Variants in KCNAB1 observed in about 807,000 individuals in gnomAD.
KCNAB1 encodes voltage-gated potassium channel subunit beta-1.
KCNAB1 carries 35 observed loss-of-function variants against 64.6 expected under a neutral mutation model. The observed-to-expected ratio is 0.54, with a 90% CI of 0.41 to 0.72. The LOEUF (loss-of-function observed/expected upper bound fraction) is 0.72, where lower values mean the gene tolerates loss of function less well. KCNAB1 is among the 30% of genes least tolerant of loss of function. The pLI, the probability that KCNAB1 is intolerant of heterozygous loss-of-function variation, is 0.00. For synonymous variants in KCNAB1, 177 were observed against 183.8 expected (o/e 0.96, Z 0.30); for missense variants, 401 against 512.9 (o/e 0.78, Z 2.11).
At chr3:156,361,735 T>C (rs554191195) in intron 1 of KCNAB1, among the ~76,000 whole-genome samples, 3 of 152,296 alleles carry the variant, frequency 2.0e-5, no homozygotes, top group Non-Finnish European at 4.4e-5. Flanking sequence ...TATAGCTCAT[T>C]GGAGCCTTGA....
At position 156,174,525 on chromosome 3, in the gene KCNAB1, C is replaced by T. The variant is rs368647942; in HGVS notation, c.275+53639C>T. On this transcript the variant is annotated intron_variant, in intron 1 of 13. Coordinates refer to ENST00000490337, the MANE Select transcript of KCNAB1 (RefSeq NM_172160.3). ...GCAGAGAATGCCATGCTTCTTTACTCATTAAGGAATGGGTGAGCCCTTCCC... is the reference window on the plus strand; with the variant it reads ...GCAGAGAATGCCATGCTTCTTTACTTATTAAGGAATGGGTGAGCCCTTCCC... 6.4e-4 allele frequency among the ~76,000 whole-genome samples: 97 copies of T among 152,304 alleles called. 1 individual carries two copies. The highest frequency in any genetic ancestry group is 3.4e-3 in the Middle Eastern group (1 of 294).
intron 2 of KCNAB1, among the ~76,000 whole-genome samples, chr3:156,449,940 T>C (rs1052178176): frequency 2.0e-5 from 3 of 152,208 alleles, no homozygotes; most frequent in African/African-American, 7.2e-5. Context: ...TAAGCAGAGA[T>C]AGGGCTATCC....
chr3:156,401,196 C>G (rs1713864666), intron 1 of KCNAB1, among the ~76,000 whole-genome samples: 1 of 152,316 alleles, frequency 6.6e-6, no homozygotes, highest in African/African-American at 2.4e-5. Flanking sequence ...TAAACAGCCT[C>G]AAACTGAAGT....
At chr3:156,312,204 G>A (rs546417381) in intron 1 of KCNAB1, among the ~76,000 whole-genome samples, 2 of 152,290 alleles carry the variant, frequency 1.3e-5, no homozygotes, top group African/African-American at 2.4e-5. Flanking sequence ...GAGTAAAATA[G>A]GCGACAGGTA....
chr3:156,299,395 C>G (rs1184959911), intron 1 of KCNAB1, among the ~76,000 whole-genome samples: 1 of 152,260 alleles, frequency 6.6e-6, no homozygotes, highest in Non-Finnish European at 1.5e-5. Context: ...AGGCTCTTCA[C>G]TGGTACATGT....
At chr3:156,367,901 GA>G (rs1726049459) in intron 1 of KCNAB1, among the ~76,000 whole-genome samples, 1 of 152,112 alleles carries the variant, frequency 6.6e-6, no homozygotes, top group Non-Finnish European at 1.5e-5. Flanking sequence ...TTCCCTACAG[GA>G]TCTCCTTCCC....
At chr3:156,298,823 C>A (rs1417801480) in intron 1 of KCNAB1, among the ~76,000 whole-genome samples, 1 of 152,150 alleles carries the variant, frequency 6.6e-6, no homozygotes, top group Admixed American at 6.5e-5. Context: ...TTCGATATTG[C>A]AAGTTAATCA....
At chr3:156,465,726 C>T (rs564143483) in intron 7 of KCNAB1, 40 bp downstream of exon 7, 2 of 1,536,040 alleles carry the variant, frequency 1.3e-6, no homozygotes, top group African/African-American at 1.4e-5. Context: ...GGTTGTGGGC[C>T]CCTCATTCAA....
intron 1 of KCNAB1, among the ~76,000 whole-genome samples, chr3:156,418,762 A>T (rs1237588096): frequency 1.3e-5 from 2 of 152,206 alleles, no homozygotes; most frequent in Non-Finnish European, 2.9e-5. Flanking sequence ...TCATGCAGAG[A>T]AAATGCCTCT....
At chr3:156,118,649 G>T (rs1337716800), upstream of KCNAB1, among the ~76,000 whole-genome samples, 1 of 152,212 alleles carries the variant, frequency 6.6e-6, no homozygotes, top group Non-Finnish European at 1.5e-5. Flanking sequence ...ATGGAGTTAG[G>T]ATTTGAACCC....
chr3:156,425,986 A>C (rs1323882916), intron 2 of KCNAB1, among the ~76,000 whole-genome samples: 1 of 151,800 alleles, frequency 6.6e-6, no homozygotes, highest in Non-Finnish European at 1.5e-5. Context: ...CCAGAGGGAG[A>C]CTCCACCGAG....
chr3:156,280,072 GT>G (rs1454004856), intron 1 of KCNAB1, among the ~76,000 whole-genome samples: 113 of 147,080 alleles, frequency 7.7e-4, no homozygotes, highest in African/African-American at 2.8e-3. Flanking sequence ...TAATGCCTAG[GT>G]TTTCTTCTAG....
At chr3:156,426,704 T>G (rs528600750) in intron 2 of KCNAB1, among the ~76,000 whole-genome samples, 39 of 152,252 alleles carry the variant, frequency 2.6e-4, no homozygotes, top group Non-Finnish European at 5.4e-4. Context: ...TTTTCCAGAA[T>G]GTCATATAGT....
intron 1 of KCNAB1, among the ~76,000 whole-genome samples, chr3:156,184,424 C>T (rs1445549973): frequency 6.6e-6 from 1 of 152,118 alleles, no homozygotes; most frequent in Non-Finnish European, 1.5e-5. Flanking sequence ...TGGAGAGAGA[C>T]AAATAGAGCT....
intron 1 of KCNAB1, among the ~76,000 whole-genome samples, chr3:156,419,298 C>G (rs1347358521): frequency 6.6e-6 from 1 of 151,904 alleles, no homozygotes; most frequent in South Asian, 2.1e-4. Flanking sequence ...GTCAGGAGAT[C>G]GAGACCACCC....
At position 156,463,664 on chromosome 3, in the gene KCNAB1, A is replaced by G. The variant is rs72558060; in HGVS notation, c.483-38A>G. ...TGACTCGGTACAATAACCTGCATTTATTTACTACTTCTCTGTGTTTGTCTT... is the reference window on the plus strand; with the variant it reads ...TGACTCGGTACAATAACCTGCATTTGTTTACTACTTCTCTGTGTTTGTCTT... On this transcript the variant is annotated intron_variant, in intron 5 of 13. Coordinates refer to ENST00000490337, the MANE Select transcript of KCNAB1 (RefSeq NM_172160.3). 193 of 1,513,360 alleles carry G rather than the reference A, an allele frequency of 1.3e-4. No homozygotes were observed. The East Asian group carries it at 2.9e-3, about 22-fold the overall frequency. 93.7% of individuals were successfully genotyped at this position (1,513,360 alleles called of 1,614,324 possible).
intron 1 of KCNAB1, among the ~76,000 whole-genome samples, chr3:156,360,162 C>A (rs1384915924): frequency 1.3e-5 from 2 of 152,138 alleles, no homozygotes; most frequent in Non-Finnish European, 1.5e-5. Context: ...AGTATATTAC[C>A]ATATTCAAAA....
At chr3:156,405,493 C>T (rs1714189709) in intron 1 of KCNAB1, among the ~76,000 whole-genome samples, 1 of 152,166 alleles carries the variant, frequency 6.6e-6, no homozygotes, top group South Asian at 2.1e-4. Flanking sequence ...AGTACAGTAA[C>T]TTTCTTTTTC....
intron 1 of KCNAB1, among the ~76,000 whole-genome samples, chr3:156,168,430 A>G (rs1215991094): frequency 1.3e-5 from 2 of 152,218 alleles, no homozygotes; most frequent in African/African-American, 4.8e-5. Flanking sequence ...TGTAGGAAGC[A>G]TTCCAGTTTA....
Sources: allele counts gnomAD v4.1 joint callset (sites outside exome capture counted in the v4.1 genomes callset), GRCh38; gene constraint gnomAD v4.1.1; transcripts MANE v1.5; gene names NCBI Gene and HGNC (gene_info 2026-07-23, HGNC 2026-07-21).